Variants in FSHR observed in about 807,000 individuals in gnomAD.
The protein encoded by FSHR is follicle stimulating hormone receptor.
FSHR carries 46 observed loss-of-function variants against 52.1 expected under a neutral mutation model. The ratio of observed to expected loss-of-function variants is 0.88; its 90% CI spans 0.70 to 1.13. The LOEUF is 1.13. Among genes scored for constraint, FSHR ranks in the 50% most tolerant of loss-of-function variants. The probability of loss-of-function intolerance (pLI) is 0.00; values close to 1 mark genes in which losing one functional copy is unlikely to be tolerated. For missense variants in FSHR, 964 were observed against 834.6 expected, an observed-to-expected ratio of 1.16 and a Z score of -1.91; for synonymous variants, 399 against 309.6, an observed-to-expected ratio of 1.29 and a Z score of -3.03.
chr2:49,130,967 T>C (rs1308390177), intron 1 of FSHR, among the ~76,000 whole-genome samples: 2 of 152,148 alleles, frequency 1.3e-5, no homozygotes, highest in East Asian at 1.9e-4. Flanking sequence ...CTTCTCTATT[T>C]AGTACAAAAA....
intron 1 of FSHR, among the ~76,000 whole-genome samples, chr2:49,091,627 A>G (rs775905066): frequency 2.8e-4 from 42 of 152,188 alleles, no homozygotes; most frequent in Non-Finnish European, 4.1e-4. Context: ...CATATGCTCC[A>G]GTGCTATTTG....
At chr2:49,082,123 G>C (rs956823482) in intron 1 of FSHR, among the ~76,000 whole-genome samples, 2 of 152,192 alleles carry the variant, frequency 1.3e-5, no homozygotes, top group African/African-American at 2.4e-5. Context: ...TTTGAAGAGA[G>C]CAGTGGTTCT....
intron 1 of FSHR, among the ~76,000 whole-genome samples, chr2:49,083,169 G>C (rs1357953667): frequency 1.3e-5 from 2 of 151,906 alleles, no homozygotes; most frequent in Non-Finnish European, 2.9e-5. Flanking sequence ...CTACAAGCCA[G>C]AAGAGAGTGG....
intron 2 of FSHR, among the ~76,000 whole-genome samples, chr2:49,046,635 G>T (rs1668668215): frequency 6.6e-6 from 1 of 152,188 alleles, no homozygotes; most frequent in African/African-American, 2.4e-5. Flanking sequence ...TGAGTGCAGG[G>T]ACTGTGTATC....
At chr2:49,147,131 G>C (rs1330128790) in intron 1 of FSHR, among the ~76,000 whole-genome samples, 1 of 152,060 alleles carries the variant, frequency 6.6e-6, no homozygotes, top group African/African-American at 2.4e-5. Flanking sequence ...GAAAGAACAA[G>C]GTAATGGCAT....
intron 8 of FSHR, among the ~76,000 whole-genome samples, chr2:48,979,837 G>C (rs1044575526): frequency 6.6e-6 from 1 of 152,002 alleles, no homozygotes. Flanking sequence ...GTGTGGGAGC[G>C]GGGACTGCAA....
At chr2:49,051,128 A>C (rs1267476617) in intron 2 of FSHR, among the ~76,000 whole-genome samples, 1 of 152,090 alleles carries the variant, frequency 6.6e-6, no homozygotes, top group Non-Finnish European at 1.5e-5. Flanking sequence ...TTGTTTACCC[A>C]TTGGCCTGCT....
intron 1 of FSHR, among the ~76,000 whole-genome samples, chr2:49,128,847 G>A (rs1016688396): frequency 1.3e-5 from 2 of 151,832 alleles, no homozygotes; most frequent in Non-Finnish European, 2.9e-5. Flanking sequence ...GAAGAATGAC[G>A]AAAAATAGAA....
At chr2:49,039,752 G>A (rs1255599964) in intron 2 of FSHR, among the ~76,000 whole-genome samples, 1 of 152,088 alleles carries the variant, frequency 6.6e-6, no homozygotes, top group Non-Finnish European at 1.5e-5. Flanking sequence ...TATTTTGCAG[G>A]TATATAGTTA....
At chr2:49,005,015 A>C (rs1042878720) in intron 4 of FSHR, among the ~76,000 whole-genome samples, 1 of 152,006 alleles carries the variant, frequency 6.6e-6, no homozygotes, top group Non-Finnish European at 1.5e-5. Context: ...ATCACTACCA[A>C]CTCTTGAGTT....
intron 2 of FSHR, among the ~76,000 whole-genome samples, chr2:49,046,671 A>G (rs573436362): frequency 6.6e-6 from 1 of 152,330 alleles, no homozygotes; most frequent in Admixed American, 6.5e-5. Flanking sequence ...CACAGCATCT[A>G]TCAGTGACTA....
At chr2:49,003,118 C>T (rs1197346756) in intron 4 of FSHR, among the ~76,000 whole-genome samples, 1 of 152,174 alleles carries the variant, frequency 6.6e-6, no homozygotes, top group African/African-American at 2.4e-5. Context: ...GATTAAACCA[C>T]AGCAGAACAT....
chr2:48,988,982 C>T lies in FSHR; in HGVS notation c.519G>A (p.Val173=). ...NSFVGLSFES[V]ILWLNKNGIQ... Reference sequence around the variant, plus strand: ...ATTTTTTCCCCCTTACTTACAGAATCACACTTTCAAAGCTCAGCCCCACGA... The same window carrying T: ...ATTTTTTCCCCCTTACTTACAGAATTACACTTTCAAAGCTCAGCCCCACGA... The change falls in exon 6 of 10, where the codon GTG becomes GTA. Residue 173 remains valine, a synonymous_variant. Coordinates refer to ENST00000406846, the MANE Select transcript of FSHR (RefSeq NM_000145.4). The T allele has an allele frequency of 1.9e-6, 3 of 1,613,396 alleles. No individual in the cohort carries two copies.
intron 1 of FSHR, among the ~76,000 whole-genome samples, chr2:49,098,962 C>T (rs965980110): frequency 1.5e-4 from 23 of 150,642 alleles, no homozygotes; most frequent in African/African-American, 5.6e-4. Flanking sequence ...ACACATCCCA[C>T]ACATACACAC....
At chr2:48,988,919 G>A in intron 6 of FSHR, 58 bp downstream of exon 6, 1 of 1,415,154 alleles carries the variant, frequency 7.1e-7, no homozygotes, top group East Asian at 2.3e-5. Context: ...TTATGAGAAA[G>A]AGATCACTAA....
chr2:48,998,977 T>C (rs568045665), intron 4 of FSHR, among the ~76,000 whole-genome samples: 3 of 152,086 alleles, frequency 2.0e-5, no homozygotes, highest in Non-Finnish European at 4.4e-5. Flanking sequence ...CATATGTGTA[T>C]CTACTTTATC....
chr2:49,147,987 CAGAG>C (rs1195435622), intron 1 of FSHR, among the ~76,000 whole-genome samples: 4 of 152,052 alleles, frequency 2.6e-5, no homozygotes, highest in South Asian at 2.1e-4. Flanking sequence ...TTTTGATAAT[CAGAG>C]AGAACTACGA....
intron 2 of FSHR, among the ~76,000 whole-genome samples, chr2:49,049,200 G>T (rs1222337009): frequency 2.0e-5 from 3 of 151,654 alleles, no homozygotes; most frequent in East Asian, 1.9e-4. Flanking sequence ...AAAAAAAAAG[G>T]CCAATTCATT....
At chr2:48,985,714 T>G (rs1254126945) in intron 6 of FSHR, among the ~76,000 whole-genome samples, 5 of 139,578 alleles carry the variant, frequency 3.6e-5, no homozygotes, top group Non-Finnish European at 7.7e-5. Flanking sequence ...TTTTTTTTTT[T>G]TTTTTTTTTT....
Sources: gnomAD v4.1 joint callset for allele counts (sites outside exome capture counted in the v4.1 genomes callset) on GRCh38, gnomAD v4.1.1 for gene constraint, MANE v1.5 for transcripts, NCBI Gene and HGNC (gene_info 2026-07-23, HGNC 2026-07-21) for gene names.